RUFY1: variants seen among roughly 807,000 people sequenced by gnomAD.
RUFY1 encodes the protein RUN and FYVE domain-containing protein 1.
A neutral mutation model predicts 94.6 loss-of-function variants in RUFY1; 54 were observed. The ratio of observed to expected loss-of-function variants is 0.57; its 90% CI spans 0.46 to 0.72. The LOEUF (loss-of-function observed/expected upper bound fraction) is 0.72. RUFY1 is among the 30% of genes least tolerant of loss of function. The pLI, the probability that RUFY1 is intolerant of heterozygous loss-of-function variation, is 0.00. For missense variants in RUFY1, 883 were observed against 883.9 expected, an observed-to-expected ratio of 1.00 and a Z score of 0.01; for synonymous variants, 396 against 347.3, an observed-to-expected ratio of 1.14 and a Z score of -1.56.
In RUFY1 at chr5:179,605,667, G is replaced by GCTCAGC. The variant is rs1283914949; in HGVS notation, c.1857-201_1857-196dup. Among the ~76,000 whole-genome samples, 5 of 152,188 alleles carry GCTCAGC rather than the reference G, an allele frequency of 3.3e-5. No individual in the cohort carries two copies. The South Asian group carries it at 6.2e-4, about 19-fold the overall frequency. Reference sequence around the variant, plus strand: ...GTTCTCGTGCCAGATGCAGTCCCAGGCTCAGCCTCAGCCCTCAGCAGACGG... The same window carrying GCTCAGC: ...GTTCTCGTGCCAGATGCAGTCCCAGGCTCAGCCTCAGCCTCAGCCCTCAGCAGACGG... On this transcript the variant is annotated intron_variant, in intron 15 of 17. Transcript: ENST00000319449.
Position 179,606,269 on chromosome 5 carries a change from T to G in RUFY1, c.1905+345T>G. On this transcript the variant is annotated intron_variant, in intron 16 of 17. Coordinates refer to ENST00000319449, the MANE Select transcript of RUFY1 (RefSeq NM_025158.5). The stretch of plus-strand genomic sequence containing the variant: ...TGGAAAACAGGCCCTTCTGTTGAAG[T>G]GAGGGGCCAGAGGCCAGCCAGCCCC... The G allele has an allele frequency of 9.4e-6, 3 of 318,864 alleles. No homozygotes were observed. In the South Asian group the frequency reaches 1.0e-4, roughly 11 times the overall value. 19.8% of individuals were successfully genotyped at this position (318,864 alleles called of 1,614,324 possible). A position where few individuals can be genotyped will look rare whatever the true frequency, so the allele number is the denominator to read the frequency against.
chr5:179,606,055 G>C (rs1767047665), intron 16 of RUFY1, 131 bp downstream of exon 16: 2 of 671,604 alleles, frequency 3.0e-6, no homozygotes, highest in African/African-American at 3.6e-5. Flanking sequence ...TATTGACAGA[G>C]AAGCCAAACG....
At position 179,585,870 on chromosome 5, in the gene RUFY1, G is replaced by T. The variant is rs1213483304; in HGVS notation, c.1026+5G>T. 3.1e-6 allele frequency: 5 copies of T among 1,611,134 alleles called. No individual in the cohort carries two copies. Among genetic ancestry groups the T allele is most frequent in the Non-Finnish European group, 4.2e-6 (5 of 1,177,418 alleles). On this transcript the variant is annotated splice_donor_5th_base_variant and intron_variant, in intron 8 of 17. Coordinates refer to ENST00000319449, the MANE Select transcript of RUFY1 (RefSeq NM_025158.5). ...AACTCAAAGCTTCAAGAAGAGGTTT[G>T]TAAGTTTTATTGAAATTTTTAGACA... is the stretch of plus-strand genomic sequence containing the variant.
chr5:179,570,556 G>A (rs944999135), intron 5 of RUFY1, among the ~76,000 whole-genome samples: 2 of 152,172 alleles, frequency 1.3e-5, no homozygotes, highest in African/African-American at 4.8e-5. Flanking sequence ...TGGTGGCAGG[G>A]ACTGTAAATG....
At position 179,609,367 on chromosome 5, in the gene RUFY1, G is replaced by A. The variant is rs376028685; in HGVS notation, c.1984-9G>A. On this transcript the variant is annotated splice_polypyrimidine_tract_variant and intron_variant, in intron 17 of 17. Coordinates refer to ENST00000319449, the MANE Select transcript of RUFY1 (RefSeq NM_025158.5). Reference sequence around the variant, plus strand: ...GGTGTCCTGTGACCGCCTTCTTCCCGTCCTGTAGCACCACTGCCGGAACTG... The same window carrying A: ...GGTGTCCTGTGACCGCCTTCTTCCCATCCTGTAGCACCACTGCCGGAACTG... 1.1e-4 allele frequency: 180 copies of A among 1,612,354 alleles called. 1 individual carries two copies. The highest frequency in any genetic ancestry group is 7.2e-5 in the Non-Finnish European group (85 of 1,179,546).
At chr5:179,590,630 G>A (rs1429684471) in intron 9 of RUFY1, among the ~76,000 whole-genome samples, 4 of 148,878 alleles carry the variant, frequency 2.7e-5, no homozygotes, top group Admixed American at 6.7e-5. Flanking sequence ...GACTACAGGC[G>A]CCTGCTACTA....
chr5:179,598,362 CAA>C, intron 13 of RUFY1: 1 of 281,192 alleles, frequency 3.6e-6, no homozygotes, highest in Non-Finnish European at 6.8e-6. Context: ...GACCCTGTCT[CAA>C]AAAAAGAAAA....
chr5:179,602,587 A>G (rs906340590), intron 15 of RUFY1: 2 of 152,320 alleles, frequency 1.3e-5, no homozygotes, highest in Admixed American at 6.5e-5. Flanking sequence ...GGACTGTGGA[A>G]CTTGCCCATT....
chr5:179,550,845 C>T lies in RUFY1; in HGVS notation c.276C>T (p.Gly92=). The T allele has an allele frequency of 1.1e-5, 14 of 1,221,846 alleles. No homozygotes were observed. The highest frequency in any genetic ancestry group is 1.4e-5 in the Non-Finnish European group (14 of 985,094). 75.7% of individuals were successfully genotyped at this position (1,221,846 alleles called of 1,614,324 possible). The change falls in exon 1 of 18, where the codon GGC becomes GGT. Residue 92 remains glycine, a synonymous_variant. Coordinates refer to ENST00000319449, the MANE Select transcript of RUFY1 (RefSeq NM_025158.5). ...CGCTGCGCGCGGCCGCGGGGCTGGG[C>T]GGCGGGGACAGCGGGGACGGCACGG... ...GSALRAAAGL[G]GGDSGDGTAR... is the part of the protein sequence containing the mutation.
rs1763493257 is a variant in RUFY1, at chr5:179,574,741, T to C, written c.829-2334T>C. On this transcript the variant is annotated intron_variant, in intron 5 of 17. Coordinates refer to ENST00000319449, the MANE Select transcript of RUFY1 (RefSeq NM_025158.5). The stretch of plus-strand genomic sequence containing the variant: ...CACTGTTCTCATTTATAATGTGTAT[T>C]TGCTAAATATTGATCACACTTAGTA... Among the ~76,000 whole-genome samples, 4 of 152,140 alleles carry C rather than the reference T, an allele frequency of 2.6e-5. No individual in the cohort carries two copies. The Middle Eastern group carries it at 0.014, about 517-fold the overall frequency.
At chr5:179,572,572 C>A in intron 5 of RUFY1, 1 of 233,806 alleles carries the variant, frequency 4.3e-6, no homozygotes, top group South Asian at 6.5e-5. Context: ...TTTGCCAGAT[C>A]ACTGTTAATG....
chr5:179,567,227 T>C (rs1489811278), intron 3 of RUFY1, among the ~76,000 whole-genome samples: 1 of 152,224 alleles, frequency 6.6e-6, no homozygotes, highest in Non-Finnish European at 1.5e-5. Context: ...TTTATGACTA[T>C]AAGCAAAGCA....
chr5:179,594,318 G>C (rs1562073055), intron 11 of RUFY1, among the ~76,000 whole-genome samples: 1 of 150,128 alleles, frequency 6.7e-6, no homozygotes, highest in Non-Finnish European at 1.5e-5. Context: ...AAAAAAAAAA[G>C]TCATTTAGTA....
In RUFY1 at chr5:179,560,124, G is replaced by T; in HGVS notation, c.410G>T (p.Ser137Ile). 1 of 1,614,104 alleles carries T rather than the reference G, an allele frequency of 6.2e-7. No individual in the cohort carries two copies. The highest frequency in any genetic ancestry group is 2.2e-5 in the East Asian group (1 of 44,878). The change falls in exon 2 of 18, where the codon AGC becomes ATC. Residue 137 changes from serine (S) to isoleucine (I), a missense_variant. Transcript: ENST00000319449. Reference protein sequence around the residue: ...LLQSALSLGRSLDADHAPLQQ... With the variant: ...LLQSALSLGRILDADHAPLQQ... ...CAGTCGGCTCTGAGCCTGGGCCGCA[G>T]CCTGGATGCGGACCATGCCCCCTTG... is the stretch of plus-strand genomic sequence containing the variant.
intron 6 of RUFY1, among the ~76,000 whole-genome samples, chr5:179,577,704 C>CGCGG (rs370648690): frequency 0.017 from 2,586 of 151,224 alleles, 95 homozygotes; most frequent in African/African-American, 0.06. Flanking sequence ...TGTGATTGGG[C>CGCGG]CCGGTGGTGT....
intron 12 of RUFY1, chr5:179,596,335 A>G: frequency 1.6e-6 from 1 of 626,470 alleles, no homozygotes; most frequent in Non-Finnish European, 2.8e-6. Flanking sequence ...CCAAAGCCAT[A>G]TTGTTGCAGG....
chr5:179,560,218 T>A lies in RUFY1; in HGVS notation c.484+20T>A, dbSNP rs1762335217. The A allele has an allele frequency of 6.2e-7, 1 of 1,607,730 alleles. No individual in the cohort carries two copies. The highest frequency in any genetic ancestry group is 1.1e-5 in the South Asian group (1 of 90,692). On this transcript the variant is annotated intron_variant, in intron 2 of 17. Coordinates refer to ENST00000319449, the MANE Select transcript of RUFY1 (RefSeq NM_025158.5). The stretch of plus-strand genomic sequence containing the variant: ...TGAAAGGTGAGCCTGAGGGGGCGTT[T>A]GGGAGCGTGGAAGTTCGGGCTGGGT...
At chr5:179,588,794 G>A (rs896392137) in intron 8 of RUFY1, among the ~76,000 whole-genome samples, 1 of 152,136 alleles carries the variant, frequency 6.6e-6, no homozygotes, top group Non-Finnish European at 1.5e-5. Context: ...GCGGTGGCAT[G>A]ATCTCAGCTC....
rs141747554 is a variant in RUFY1, at chr5:179,594,227, G to A, written c.1413+582G>A. 2.4e-4 allele frequency among the ~76,000 whole-genome samples: 36 copies of A among 151,934 alleles called. No individual in the cohort carries two copies. In the East Asian group the frequency reaches 4.9e-3, roughly 21 times the overall value. On this transcript the variant is annotated intron_variant, in intron 11 of 17. Transcript: ENST00000319449. Reference sequence around the variant, plus strand: ...TGAGGCAGGAGAATTGCTTGAACCCGGGAGACAGGTTGCAGTGAGCCGAAA... The same window carrying A: ...TGAGGCAGGAGAATTGCTTGAACCCAGGAGACAGGTTGCAGTGAGCCGAAA...
Sources: gnomAD v4.1 joint callset for allele counts (sites outside exome capture counted in the v4.1 genomes callset) on GRCh38, gnomAD v4.1.1 for gene constraint, MANE v1.5 for transcripts, NCBI Gene and HGNC (gene_info 2026-07-23, HGNC 2026-07-21) for gene names.